The following SYTL5 variants were observed in gnomAD, a reference collection of about 807,000 sequenced individuals.
The protein encoded by SYTL5 is synaptotagmin-like protein 5.
A neutral mutation model predicts 55.9 loss-of-function variants in SYTL5; 34 were observed. The ratio of observed to expected loss-of-function variants is 0.61; its 90% CI spans 0.46 to 0.81. The LOEUF is 0.81. Ranked by LOEUF, SYTL5 falls within the 30% of genes least tolerant of loss-of-function variation. The pLI is 0.00. For missense variants in SYTL5, 637 were observed against 546.7 expected (o/e 1.17, Z -1.65); for synonymous variants, 221 against 188.7 (o/e 1.17, Z -1.40).
rs17144700 is a variant in SYTL5 at position 38,033,743 on chromosome X, C to T, written c.-147C>T. The stretch of plus-strand genomic sequence containing the variant: ...CCTGAAAGAATACTTAACTACCATA[C>T]GCAATTCTGCAGAGACCTTGTAAAA... On this transcript the variant is annotated 5_prime_UTR_variant, in exon 2 of 17. In the 5' UTR this introduces an upstream ATG that the reference lacks. Coordinates refer to ENST00000297875, the MANE Select transcript of SYTL5 (RefSeq NM_138780.3). 46,819 of 362,545 alleles carry T rather than the reference C, an allele frequency of 0.13. 7,699 individuals carry two copies. The highest frequency in any genetic ancestry group is 0.66 in the African/African-American group (25,477 of 38,810). 29.9% of individuals were successfully genotyped at this position (362,545 alleles called of 1,213,427 possible).
intron 6 of SYTL5, among the ~76,000 whole-genome samples, chrX:38,077,774 A>G (rs1936427786): frequency 8.9e-6 from 1 of 112,308 alleles, no homozygotes; most frequent in South Asian, 3.7e-4. Flanking sequence ...CCCTTTTATG[A>G]TTACAAACTG....
At chrX:38,060,475 A>G (rs772312030) in intron 3 of SYTL5, among the ~76,000 whole-genome samples, 3 of 111,475 alleles carry the variant, frequency 2.7e-5, no homozygotes, top group Admixed American at 9.5e-5. Flanking sequence ...TGTACTGTTC[A>G]CTGATGTAGT....
the SYTL5 span, among the ~76,000 whole-genome samples, chrX:37,950,857 ATACTGAAGT>A: frequency 9.0e-6 from 1 of 111,466 alleles, no homozygotes; most frequent in East Asian, 2.8e-4. Flanking sequence ...ATTTTAAGGT[ATACTGAAGT>A]TTTTCAATTG....
the SYTL5 span, among the ~76,000 whole-genome samples, chrX:37,936,680 C>T: frequency 4.5e-5 from 5 of 111,104 alleles, no homozygotes; most frequent in South Asian, 3.8e-4. Context: ...ATTTAGAATG[C>T]GGTTATTCAC....
intron 2 of SYTL5, among the ~76,000 whole-genome samples, chrX:38,035,312 C>CA (rs1188228679): frequency 9.0e-6 from 1 of 111,509 alleles, no homozygotes; most frequent in Non-Finnish European, 1.9e-5. Flanking sequence ...AATGCCCTGC[C>CA]AAAAAAAATT....
At chrX:37,969,286 T>A in the SYTL5 span, among the ~76,000 whole-genome samples, 1 of 111,961 alleles carries the variant, frequency 8.9e-6, no homozygotes. Flanking sequence ...TTAAGATTTT[T>A]AAATTACTGG....
chrX:37,929,148 C>T, the SYTL5 span, among the ~76,000 whole-genome samples: 1 of 112,284 alleles, frequency 8.9e-6, no homozygotes, highest in Non-Finnish European at 1.9e-5. Context: ...ATGTTGTTTT[C>T]TTTGGAGTAA....
At chrX:38,082,551 C>T (rs184338712) in intron 6 of SYTL5, among the ~76,000 whole-genome samples, 67 of 112,381 alleles carry the variant, frequency 6.0e-4, no homozygotes, top group African/African-American at 2.1e-3. Flanking sequence ...TACTGTTCCA[C>T]CCTTTTATGA....
the SYTL5 span, among the ~76,000 whole-genome samples, chrX:37,970,386 A>C: frequency 1.1e-5 from 1 of 94,984 alleles, no homozygotes. Context: ...ATACCTCTTT[A>C]TATCTTTAAC....
chrX:38,005,786 A>T (rs1348992771), upstream of SYTL5, among the ~76,000 whole-genome samples: 1 of 111,917 alleles, frequency 8.9e-6, no homozygotes, highest in Non-Finnish European at 1.9e-5. Context: ...ACTTCAAGCT[A>T]GACTCACGTT....
At chrX:37,898,658 A>G in the SYTL5 span, among the ~76,000 whole-genome samples, 2 of 112,351 alleles carry the variant, frequency 1.8e-5, no homozygotes, top group Non-Finnish European at 1.9e-5. Flanking sequence ...AGAGACAGGA[A>G]TAATTCTTTC....
At chrX:38,083,322 A>C (rs1936584532) in intron 6 of SYTL5, among the ~76,000 whole-genome samples, 1 of 112,110 alleles carries the variant, frequency 8.9e-6, no homozygotes, top group Non-Finnish European at 1.9e-5. Flanking sequence ...TCCTCATGGT[A>C]ACTGTCTCCT....
intron 11 of SYTL5, among the ~76,000 whole-genome samples, chrX:38,107,834 C>A (rs1937256665): frequency 8.9e-6 from 1 of 111,797 alleles, no homozygotes; most frequent in African/African-American, 3.3e-5. Context: ...GCTACAGGAC[C>A]AATGTAATTA....
At chrX:37,979,397 C>T in the SYTL5 span, among the ~76,000 whole-genome samples, 1 of 107,058 alleles carries the variant, frequency 9.3e-6, no homozygotes, top group Non-Finnish European at 1.9e-5. Context: ...ATCTAGCTAT[C>T]TGCTTCTGAA....
the SYTL5 span, among the ~76,000 whole-genome samples, chrX:37,936,422 C>T: frequency 8.9e-6 from 1 of 112,198 alleles, no homozygotes; most frequent in Non-Finnish European, 1.9e-5. Flanking sequence ...TTTATTAAGA[C>T]TTCACATTAG....
chrX:38,108,531 C>G, intron 11 of SYTL5, 69 bp from the exon 12 acceptor site: 3 of 820,597 alleles, frequency 3.7e-6, no homozygotes, highest in South Asian at 4.6e-5. Flanking sequence ...TTATTCACAG[C>G]GAAGTCTTTG....
At chrX:37,916,291 G>A in the SYTL5 span, among the ~76,000 whole-genome samples, 7 of 111,966 alleles carry the variant, frequency 6.3e-5, no homozygotes, top group African/African-American at 1.9e-4. Context: ...TGTAATGAGC[G>A]GAGCCCACGC....
chrX:37,925,463 G>C, the SYTL5 span, among the ~76,000 whole-genome samples: 1 of 111,712 alleles, frequency 9.0e-6, no homozygotes, highest in Non-Finnish European at 1.9e-5. Context: ...GCTGTTTACT[G>C]TTTTCTGTAG....
Position 38,033,563 on chromosome X carries a change from G to C in SYTL5, c.-327G>C, listed in dbSNP as rs148855989. On this transcript the variant is annotated 5_prime_UTR_variant, in exon 2 of 17. Coordinates refer to ENST00000297875, the MANE Select transcript of SYTL5 (RefSeq NM_138780.3). ...TTCTGCATTCTCTCCCAGCGGATCTGATTCCTGTTCTGAAGAATTGAAGTT... is the reference window on the plus strand; with the variant it reads ...TTCTGCATTCTCTCCCAGCGGATCTCATTCCTGTTCTGAAGAATTGAAGTT... 3.6e-3 allele frequency: 447 copies of C among 122,894 alleles called. 2 individuals carry two copies. Among genetic ancestry groups the C allele is most frequent in the African/African-American group, 0.013 (419 of 31,451 alleles). The allele number at this position is 122,894 out of a possible 1,213,427, so 10.1% of individuals were successfully genotyped here.
Sources: gnomAD v4.1 joint callset for allele counts (sites outside exome capture counted in the v4.1 genomes callset) on GRCh38, gnomAD v4.1.1 for gene constraint, MANE v1.5 for transcripts, NCBI Gene and HGNC (gene_info 2026-07-23, HGNC 2026-07-21) for gene names.